Variants in EXOC6B observed in about 807,000 individuals in gnomAD.
EXOC6B encodes exocyst complex component 6B.
A neutral mutation model predicts 113.5 loss-of-function variants in EXOC6B; 54 were observed. The observed-to-expected ratio is 0.48, with a 90% confidence interval of 0.38 to 0.60. The LOEUF (loss-of-function observed/expected upper bound fraction) is 0.60, where lower values mean the gene tolerates loss of function less well. Ranked by LOEUF, EXOC6B falls within the 20% of genes least tolerant of loss-of-function variation. The probability of loss-of-function intolerance (pLI) is 0.00; values close to 1 mark genes in which losing one functional copy is unlikely to be tolerated. For synonymous variants in EXOC6B, 357 were observed against 339.0 expected (o/e 1.05, Z -0.58); for missense variants, 797 against 977.5 (o/e 0.82, Z 2.46).
chr2:72,710,865 C>T (rs150464983), intron 6 of EXOC6B, among the ~76,000 whole-genome samples: 16 of 152,296 alleles, frequency 1.1e-4, no homozygotes, highest in African/African-American at 3.8e-4. Context: ...GCCTAGGAGC[C>T]TTCAATATCT....
chr2:72,478,224 C>CTT (rs904777277), intron 17 of EXOC6B, among the ~76,000 whole-genome samples: 40 of 152,272 alleles, frequency 2.6e-4, no homozygotes, highest in African/African-American at 8.4e-4. Context: ...TTAATAAACA[C>CTT]TTTCATTCTC....
chr2:72,474,628 T>G (rs905776521), intron 17 of EXOC6B, among the ~76,000 whole-genome samples: 2 of 152,134 alleles, frequency 1.3e-5, no homozygotes, highest in African/African-American at 4.8e-5. Context: ...GGTATCAATC[T>G]CTTTAGCAAA....
chr2:72,323,355 G>C (rs1356901600), intron 20 of EXOC6B, among the ~76,000 whole-genome samples: 3 of 152,144 alleles, frequency 2.0e-5, no homozygotes, highest in African/African-American at 7.2e-5. Flanking sequence ...GAGAGGATGT[G>C]GAGAAATCGG....
intron 6 of EXOC6B, among the ~76,000 whole-genome samples, chr2:72,579,272 C>T (rs982184386): frequency 1.8e-4 from 27 of 151,960 alleles, no homozygotes; most frequent in African/African-American, 6.5e-4. Flanking sequence ...AAGTTGAATG[C>T]AGGATAAAAA....
intron 6 of EXOC6B, among the ~76,000 whole-genome samples, chr2:72,638,334 A>C: frequency 6.6e-6 from 1 of 152,206 alleles, no homozygotes; most frequent in East Asian, 1.9e-4. Flanking sequence ...ACAGACCAGT[A>C]ACAAGTAATG....
At chr2:72,529,965 T>C (rs927124258) in intron 8 of EXOC6B, among the ~76,000 whole-genome samples, 15 of 152,316 alleles carry the variant, frequency 9.8e-5, no homozygotes, top group Admixed American at 3.9e-4. Context: ...AGTGTCTCTA[T>C]TGATATTCCC....
At chr2:72,514,599 TAAA>T in intron 10 of EXOC6B, 32 bp downstream of exon 10, 1 of 202,388 alleles carries the variant, frequency 4.9e-6, no homozygotes, top group East Asian at 1.7e-4. Context: ...AATAAATAAA[TAAA>T]TAAATATATA....
chr2:72,674,901 TAC>T (rs1479025304), intron 6 of EXOC6B, among the ~76,000 whole-genome samples: 1 of 152,120 alleles, frequency 6.6e-6, no homozygotes, highest in Non-Finnish European at 1.5e-5. Flanking sequence ...GCCTAAAGAA[TAC>T]ACAGTGTCAA....
At chr2:72,653,827 C>T (rs1373921151) in intron 6 of EXOC6B, among the ~76,000 whole-genome samples, 2 of 151,840 alleles carry the variant, frequency 1.3e-5, no homozygotes, top group East Asian at 1.9e-4. Context: ...GCTTCCATAG[C>T]TATGATTACA....
chr2:72,563,585 G>A (rs1488811513), intron 7 of EXOC6B, among the ~76,000 whole-genome samples: 4 of 151,964 alleles, frequency 2.6e-5, no homozygotes, highest in Non-Finnish European at 5.9e-5. Flanking sequence ...ATTAATCAAA[G>A]GCCCCCTGAA....
intron 1 of EXOC6B, among the ~76,000 whole-genome samples, chr2:72,750,963 A>G (rs1178184473): frequency 6.6e-6 from 1 of 152,156 alleles, no homozygotes; most frequent in African/African-American, 2.4e-5. Context: ...CAAATAGCAA[A>G]ATCAGGCTTG....
At chr2:72,556,545 T>C (rs925857213) in intron 8 of EXOC6B, among the ~76,000 whole-genome samples, 1 of 152,218 alleles carries the variant, frequency 6.6e-6, no homozygotes, top group Non-Finnish European at 1.5e-5. Flanking sequence ...CTTACAAAAG[T>C]GTCTTAAACT....
intron 11 of EXOC6B, among the ~76,000 whole-genome samples, chr2:72,508,718 G>A (rs1247390481): frequency 2.6e-5 from 4 of 152,078 alleles, no homozygotes; most frequent in Non-Finnish European, 2.9e-5. Context: ...AGGTCGCAGT[G>A]AGCTGAGATC....
chr2:72,700,237 AACACACAC>A (rs3034948), intron 6 of EXOC6B, among the ~76,000 whole-genome samples: 8 of 142,316 alleles, frequency 5.6e-5, no homozygotes, highest in Non-Finnish European at 9.1e-5. Flanking sequence ...AGACCACAGA[AACACACAC>A]ACACACACAC....
At chr2:72,460,064 T>C (rs1422064575) in intron 18 of EXOC6B, among the ~76,000 whole-genome samples, 5 of 151,972 alleles carry the variant, frequency 3.3e-5, no homozygotes, top group Admixed American at 2.6e-4. Context: ...TATCTACAAC[T>C]ATCTGATCTT....
At chr2:72,454,402 G>A (rs1219724729) in intron 18 of EXOC6B, among the ~76,000 whole-genome samples, 2 of 152,068 alleles carry the variant, frequency 1.3e-5, no homozygotes, top group Non-Finnish European at 2.9e-5. Flanking sequence ...CACTTTGCAG[G>A]GCTGTTGTGG....
At chr2:72,628,792 T>C (rs979234605) in intron 6 of EXOC6B, among the ~76,000 whole-genome samples, 6 of 152,148 alleles carry the variant, frequency 3.9e-5, no homozygotes, top group African/African-American at 1.4e-4. Context: ...ACATTTCTGT[T>C]GTTTATAAGC....
At chr2:72,680,179 C>T (rs1276002317) in intron 6 of EXOC6B, among the ~76,000 whole-genome samples, 1 of 152,098 alleles carries the variant, frequency 6.6e-6, no homozygotes, top group East Asian at 1.9e-4. Context: ...GCTATTTCTG[C>T]AAGTTTTCTG....
chr2:72,314,522 A>G (rs1687394379), intron 20 of EXOC6B, among the ~76,000 whole-genome samples: 1 of 152,206 alleles, frequency 6.6e-6, no homozygotes, highest in Admixed American at 6.5e-5. Context: ...TCTCCGTACC[A>G]AATGTATCAT....
Sources: allele counts gnomAD v4.1 joint callset (sites outside exome capture counted in the v4.1 genomes callset), GRCh38; gene constraint gnomAD v4.1.1; transcripts MANE v1.5; gene names NCBI Gene and HGNC (gene_info 2026-07-23, HGNC 2026-07-21).